The following IQCK variants were observed in gnomAD, a reference collection of about 807,000 sequenced individuals.
IQCK encodes the protein IQ motif containing K.
A neutral mutation model predicts 28.1 loss-of-function variants in IQCK; 29 were observed. The ratio of observed to expected loss-of-function variants is 1.03; its 90% confidence interval spans 0.77 to 1.41. IQCK has a LOEUF of 1.41. IQCK is among the 40% of genes most tolerant of loss of function. IQCK has a pLI of 0.00. For synonymous variants in IQCK, 113 were observed against 115.1 expected (o/e 0.98, Z 0.12); for missense variants, 359 against 314.7 (o/e 1.14, Z -1.07).
intron 2 of IQCK, among the ~76,000 whole-genome samples, chr16:19,731,707 C>G (rs1029183266): frequency 6.6e-6 from 1 of 152,168 alleles, no homozygotes; most frequent in Non-Finnish European, 1.5e-5. Context: ...TCCAGAGAGA[C>G]AGAATCAGTA....
At chr16:19,855,632 T>C (rs1398949723) in intron 9 of IQCK, among the ~76,000 whole-genome samples, 1 of 152,178 alleles carries the variant, frequency 6.6e-6, no homozygotes, top group Admixed American at 6.5e-5. Context: ...CCCACCTCTT[T>C]GCCGCATCTG....
At chr16:19,762,532 G>A (rs1402131893) in intron 4 of IQCK, among the ~76,000 whole-genome samples, 2 of 152,160 alleles carry the variant, frequency 1.3e-5, no homozygotes, top group Middle Eastern at 3.2e-3. Flanking sequence ...AATGTCTTTG[G>A]AATTCTTTGC....
chr16:19,781,109 G>A (rs990434991), intron 6 of IQCK, among the ~76,000 whole-genome samples: 10 of 152,172 alleles, frequency 6.6e-5, no homozygotes, highest in Non-Finnish European at 1.0e-4. Flanking sequence ...TTTAAATCCA[G>A]GAGAGGGAGA....
chr16:19,764,603 G>A (rs2055201168), intron 6 of IQCK, among the ~76,000 whole-genome samples: 1 of 151,848 alleles, frequency 6.6e-6, no homozygotes, highest in Admixed American at 6.6e-5. Flanking sequence ...CTACAGTGCA[G>A]CCTTCCAGAC....
intron 7 of IQCK, among the ~76,000 whole-genome samples, chr16:19,823,207 A>G (rs775924515): frequency 7.2e-5 from 11 of 152,138 alleles, no homozygotes. Context: ...AAGTCCCAAG[A>G]TCCAGTGGTG....
rs185122834 is a variant in IQCK at position 19,801,545 on chromosome 16, T to C, written c.690+12623T>C. On this transcript the variant is annotated intron_variant, in intron 7 of 7. Transcript: ENST00000564186. ...GTCTTGATCTCCTGGGCCCAAGTGATCCTCCCTTCTTGTCCTCCCAATGTG... is the reference window on the plus strand; with the variant it reads ...GTCTTGATCTCCTGGGCCCAAGTGACCCTCCCTTCTTGTCCTCCCAATGTG... Among the ~76,000 whole-genome samples the C allele has an allele frequency of 2.0e-5, 3 of 147,010 alleles. No individual in the cohort carries two copies. In the East Asian group the frequency reaches 5.8e-4, roughly 29 times the overall value.
chr16:19,815,997 C>T (rs760045855), intron 7 of IQCK, among the ~76,000 whole-genome samples: 4 of 152,136 alleles, frequency 2.6e-5, no homozygotes, highest in Admixed American at 1.3e-4. Flanking sequence ...CACACCAAGT[C>T]GGTGGTTCAC....
intron 6 of IQCK, among the ~76,000 whole-genome samples, chr16:19,769,210 A>G (rs73530794): frequency 0.023 from 3,518 of 152,292 alleles, 118 homozygotes; most frequent in African/African-American, 0.08. Context: ...AAATACCTCC[A>G]TTTCCATCAC....
At chr16:19,818,199 G>A (rs1202103633) in intron 7 of IQCK, among the ~76,000 whole-genome samples, 1 of 152,072 alleles carries the variant, frequency 6.6e-6, no homozygotes, top group Non-Finnish European at 1.5e-5. Context: ...GAGATGTCTA[G>A]GATGCCTGAT....
At chr16:19,750,272 G>A (rs368681725) in intron 4 of IQCK, among the ~76,000 whole-genome samples, 26 of 151,808 alleles carry the variant, frequency 1.7e-4, no homozygotes, top group Admixed American at 9.2e-4. Context: ...GACTACAGGC[G>A]TGTGCCACCG....
intron 7 of IQCK, among the ~76,000 whole-genome samples, chr16:19,807,915 A>G (rs1177178806): frequency 6.6e-6 from 1 of 152,198 alleles, no homozygotes; most frequent in Non-Finnish European, 1.5e-5. Context: ...CTAAGAATAT[A>G]TTCCTGATCA....
At chr16:19,851,356 A>G (rs1385217145) in intron 9 of IQCK, among the ~76,000 whole-genome samples, 2 of 152,184 alleles carry the variant, frequency 1.3e-5, no homozygotes, top group Non-Finnish European at 2.9e-5. Context: ...CCAGGAATCT[A>G]TATTTTCACC....
chr16:19,767,612 C>T (rs532828047), intron 6 of IQCK, among the ~76,000 whole-genome samples: 7 of 152,214 alleles, frequency 4.6e-5, no homozygotes, highest in Admixed American at 1.3e-4. Flanking sequence ...CTCCTCTCGA[C>T]GTTTGGCTGC....
At chr16:19,776,548 T>C (rs2055397908) in intron 6 of IQCK, among the ~76,000 whole-genome samples, 1 of 151,982 alleles carries the variant, frequency 6.6e-6, no homozygotes, top group African/African-American at 2.4e-5. Context: ...CTACTAAAAA[T>C]ACAAAAAAAT....
chr16:19,844,768 C>A (rs1207893877), intron 9 of IQCK, among the ~76,000 whole-genome samples: 1 of 152,050 alleles, frequency 6.6e-6, no homozygotes, highest in Non-Finnish European at 1.5e-5. Flanking sequence ...ACAACAAACA[C>A]CTTACCAAAC....
At chr16:19,818,422 C>T (rs1043488305) in intron 7 of IQCK, among the ~76,000 whole-genome samples, 1 of 152,070 alleles carries the variant, frequency 6.6e-6, no homozygotes, top group Non-Finnish European at 1.5e-5. Context: ...GACGGAGTTT[C>T]GCTCTTGTCA....
At chr16:19,730,349 T>C in intron 1 of IQCK, 81 bp from the exon 2 acceptor site, 2 of 1,047,268 alleles carry the variant, frequency 1.9e-6, no homozygotes, top group Non-Finnish European at 2.8e-6. Flanking sequence ...AATTTAAGAA[T>C]GTTTTATTCA....
intron 2 of IQCK, among the ~76,000 whole-genome samples, chr16:19,732,952 G>C (rs147093098): frequency 6.6e-6 from 1 of 152,258 alleles, no homozygotes; most frequent in African/African-American, 2.4e-5. Flanking sequence ...GTGGGCAGCA[G>C]GCCAAGTTAG....
chr16:19,815,146 A>G lies in IQCK; in HGVS notation c.691-11880A>G, dbSNP rs1448827275. ...CATTTTCTGTATTTTCCATTTGATT[A>G]TATTTTTTAATGTCATTCACCAGCC... On this transcript the variant is annotated intron_variant, in intron 7 of 7. Coordinates refer to ENST00000564186, the Ensembl canonical transcript of IQCK. Among the ~76,000 whole-genome samples, 4 of 152,240 alleles carry G rather than the reference A, an allele frequency of 2.6e-5. No individual in the cohort carries two copies. The East Asian group carries it at 7.7e-4, about 29-fold the overall frequency.
Sources: allele counts gnomAD v4.1 joint callset (sites outside exome capture counted in the v4.1 genomes callset), GRCh38; gene constraint gnomAD v4.1.1; transcripts MANE v1.5; gene names NCBI Gene and HGNC (gene_info 2026-07-23, HGNC 2026-07-21).